The following AJAP1 variants were observed in gnomAD, a reference collection of about 807,000 sequenced individuals.
The protein encoded by AJAP1 is adherens junctions associated protein 1.
Under a neutral mutation model 35.0 loss-of-function variants are expected in AJAP1, and 5 were observed. The observed-to-expected ratio is 0.14, with a 90% CI of 0.07 to 0.30. The LOEUF (loss-of-function observed/expected upper bound fraction) is 0.30, where lower values mean the gene tolerates loss of function less well. Among genes scored for constraint, AJAP1 ranks in the 10% least tolerant of loss-of-function variants. The pLI is 1.00. For synonymous variants in AJAP1, 284 were observed against 249.3 expected, an observed-to-expected ratio of 1.14 and a Z score of -1.31; for missense variants, 586 against 571.0, an observed-to-expected ratio of 1.03 and a Z score of -0.27.
chr1:4,758,294 G>A (rs188173358), intron 2 of AJAP1, among the ~76,000 whole-genome samples: 12 of 152,302 alleles, frequency 7.9e-5, no homozygotes, highest in African/African-American at 2.9e-4. Context: ...GCATGAGAAA[G>A]AAGCATCAGG....
intron 2 of AJAP1, among the ~76,000 whole-genome samples, chr1:4,727,484 T>C (rs1431764717): frequency 2.0e-5 from 3 of 152,246 alleles, no homozygotes; most frequent in Non-Finnish European, 4.4e-5. Context: ...CGTCTGTGTC[T>C]GTAGCACTTG....
chr1:4,680,005 A>C (rs1639449357), intron 1 of AJAP1, among the ~76,000 whole-genome samples: 1 of 152,236 alleles, frequency 6.6e-6, no homozygotes, highest in African/African-American at 2.4e-5. Flanking sequence ...CTAATGTTAT[A>C]GTTCCAGTTC....
At chr1:4,759,227 T>C (rs1641510649) in intron 2 of AJAP1, among the ~76,000 whole-genome samples, 1 of 152,182 alleles carries the variant, frequency 6.6e-6, no homozygotes, top group East Asian at 1.9e-4. Context: ...GGCCGCTGGA[T>C]GGCACATCAG....
chr1:4,759,838 G>A (rs1039355191), intron 2 of AJAP1, among the ~76,000 whole-genome samples: 2 of 152,084 alleles, frequency 1.3e-5, no homozygotes, highest in Admixed American at 6.5e-5. Flanking sequence ...GTTGTCAGAA[G>A]GGACTCTGCT....
chr1:4,743,044 C>T (rs1412642401), intron 2 of AJAP1, among the ~76,000 whole-genome samples: 2 of 152,194 alleles, frequency 1.3e-5, no homozygotes, highest in Admixed American at 6.5e-5. Context: ...AGAACCTGTA[C>T]GGATTCCACG....
intron 1 of AJAP1, among the ~76,000 whole-genome samples, chr1:4,703,447 G>A (rs1423512155): frequency 1.3e-5 from 2 of 152,268 alleles, no homozygotes; most frequent in African/African-American, 4.8e-5. Context: ...AGGTTCTTCT[G>A]TGAAGGGGAA....
chr1:4,776,488 G>A (rs967518622), intron 5 of AJAP1, among the ~76,000 whole-genome samples: 3 of 152,196 alleles, frequency 2.0e-5, no homozygotes, highest in African/African-American at 7.2e-5. Flanking sequence ...TACTCCACAG[G>A]CCTGAGCCCA....
intron 1 of AJAP1, among the ~76,000 whole-genome samples, chr1:4,699,558 G>T (rs573661875): frequency 6.6e-6 from 1 of 152,260 alleles, no homozygotes; most frequent in Non-Finnish European, 1.5e-5. Context: ...ATGAGCTATA[G>T]CGCTGTCACC....
At chr1:4,710,024 A>T (rs1272329632) in intron 1 of AJAP1, among the ~76,000 whole-genome samples, 2 of 152,090 alleles carry the variant, frequency 1.3e-5, no homozygotes, top group Non-Finnish European at 2.9e-5. Context: ...ACACAGCTAC[A>T]ACTAAACTCT....
At position 4,787,427 on chromosome 1, in the gene AJAP1, G is replaced by T. The variant is rs1557655650; in HGVS notation, c.*4942G>T. 5 of 296,600 alleles carry T rather than the reference G, an allele frequency of 1.7e-5. No homozygotes were observed. The highest frequency in any genetic ancestry group is 1.3e-4 in the South Asian group (5 of 37,676). 18.4% of individuals were successfully genotyped at this position (296,600 alleles called of 1,614,324 possible). A position where few individuals can be genotyped will look rare whatever the true frequency, so the allele number is the denominator to read the frequency against. ...TCCTCCTGCGACCCATCACCTACTG[G>T]AAAATTACCACTTGCTGCTTGAGGG... On this transcript the variant is annotated 3_prime_UTR_variant, in exon 6 of 6. Transcript: ENST00000378191.
Position 4,740,785 on chromosome 1 carries a change from C to CAAAAAA in AJAP1, c.829+28101_829+28106dup, listed in dbSNP as rs34897087. On this transcript the variant is annotated intron_variant, in intron 2 of 5. Coordinates refer to ENST00000378191, the MANE Select transcript of AJAP1 (RefSeq NM_018836.4). Reference sequence around the variant, plus strand: ...TGGGCAACAGAGCAAGACTCCGTCTCAAAAAAAAAAAAAAAAAAAAGCGGG... The same window carrying CAAAAAA: ...TGGGCAACAGAGCAAGACTCCGTCTCAAAAAAAAAAAAAAAAAAAAAAAAAAGCGGG... Among the ~76,000 whole-genome samples the CAAAAAA allele has an allele frequency of 3.5e-3, 232 of 66,972 alleles. 1 individual carries two copies. Among genetic ancestry groups the CAAAAAA allele is most frequent in the African/African-American group, 0.012 (225 of 18,478 alleles). 43.9% of individuals were successfully genotyped at this position (66,972 alleles called of 152,430 possible). A position where few individuals can be genotyped will look rare whatever the true frequency, so the allele number is the denominator to read the frequency against.
chr1:4,772,227 TG>T, intron 3 of AJAP1, 52 bp from the exon 4 acceptor site: 1 of 1,605,290 alleles, frequency 6.2e-7, no homozygotes, highest in East Asian at 2.2e-5. Context: ...GAGTTGTGTT[TG>T]TGGGTTTCCG....
chr1:4,766,692 G>A (rs72639923), intron 2 of AJAP1, among the ~76,000 whole-genome samples: 1,699 of 152,292 alleles, frequency 0.011, 18 homozygotes, highest in Non-Finnish European at 0.015. Flanking sequence ...GTCTGTGCAG[G>A]GTTTGGTAAA....
Position 4,750,932 on chromosome 1 carries a change from TG to T in AJAP1, c.830-18918del, listed in dbSNP as rs1340405187. ...AGACCTCCAATCCCCTGACCTGGGC[TG>T]GGAGGGCCAGTGGAAAGGTCAGCTT... On this transcript the variant is annotated intron_variant, in intron 2 of 5. Coordinates refer to ENST00000378191, the MANE Select transcript of AJAP1 (RefSeq NM_018836.4). Among the ~76,000 whole-genome samples, 7 of 150,220 alleles carry T rather than the reference TG, an allele frequency of 4.7e-5. No individual in the cohort carries two copies. In the South Asian group the frequency reaches 1.5e-3, roughly 33 times the overall value.
chr1:4,712,007 C>T lies in AJAP1; in HGVS notation c.137C>T (p.Pro46Leu), dbSNP rs1363436162. The change falls in exon 2 of 6, where the codon CCG (proline) becomes CTG (leucine). Residue 46 changes from proline to leucine, a missense_variant. Transcript: ENST00000378191. ...VDLPACEALG[P>L]GPEFWLLPRS... ...CTGCCCGCCTGTGAGGCCCTGGGCC[C>T]GGGGCCGGAGTTCTGGCTCCTGCCG... The T allele has an allele frequency of 1.9e-6, 3 of 1,595,264 alleles. No homozygotes were observed. The highest frequency in any genetic ancestry group is 2.3e-5 in the East Asian group (1 of 42,656).
Position 4,784,054 on chromosome 1 carries a change from T to C in AJAP1, c.*1569T>C, listed in dbSNP as rs1032692992. 1.2e-4 allele frequency: 19 copies of C among 152,150 alleles called. No individual in the cohort carries two copies. Among genetic ancestry groups the C allele is most frequent in the Non-Finnish European group, 2.4e-4 (16 of 68,034 alleles). 9.4% of individuals were successfully genotyped at this position (152,150 alleles called of 1,614,324 possible). On this transcript the variant is annotated 3_prime_UTR_variant, in exon 6 of 6. Coordinates refer to ENST00000378191, the MANE Select transcript of AJAP1 (RefSeq NM_018836.4). ...TCTCCCGTCAGCTTCCATTGGCCGA[T>C]GGATGTTTCTGTTTTGTCACCGAGA...
rs777873245 is a variant in AJAP1 at position 4,712,618 on chromosome 1, G to T, written c.748G>T (p.Val250Phe). The change falls in exon 2 of 6, where the codon GTT becomes TTT. Residue 250 changes from valine to phenylalanine, a missense_variant. Coordinates refer to ENST00000378191, the MANE Select transcript of AJAP1 (RefSeq NM_018836.4). The stretch of plus-strand genomic sequence containing the variant: ...TCCCCGGAGAAGGATCCCAGGTGGG[G>T]TTAGCACAACGGAGCCTTCCACCAG... ...LDPRRRIPGG[V>F]STTEPSTSPS... 1.1e-5 allele frequency: 18 copies of T among 1,592,926 alleles called. No individual in the cohort carries two copies. In the South Asian group the frequency reaches 1.5e-4, roughly 13 times the overall value.
At chr1:4,749,066 C>G (rs929194741) in intron 2 of AJAP1, among the ~76,000 whole-genome samples, 1 of 152,156 alleles carries the variant, frequency 6.6e-6, no homozygotes, top group African/African-American at 2.4e-5. Flanking sequence ...GCAACACTGT[C>G]CCCAGCATGC....
rs909243317 is a variant in AJAP1 at position 4,790,917 on chromosome 1, T to TTTTTG, written c.*8437_*8441dup. Reference sequence around the variant, plus strand: ...TGGTCTTCTCAGAAGTGTTTCTGTTTTTTTGTTTTTGTTTTTGTTTTTGTT... The same window carrying TTTTTG: ...TGGTCTTCTCAGAAGTGTTTCTGTTTTTTTGTTTTGTTTTTGTTTTTGTTTTTGTT... On this transcript the variant is annotated 3_prime_UTR_variant, in exon 6 of 6. Transcript: ENST00000378191. The TTTTTG allele has an allele frequency of 1.9e-5, 1 of 52,164 alleles. No homozygotes were observed. Among genetic ancestry groups the TTTTTG allele is most frequent in the Non-Finnish European group, 4.0e-5 (1 of 24,822 alleles). 3.2% of individuals were successfully genotyped at this position (52,164 alleles called of 1,614,324 possible). A position where few individuals can be genotyped will look rare whatever the true frequency, so the allele number is the denominator to read the frequency against.
Sources: gnomAD v4.1 joint callset for allele counts (sites outside exome capture counted in the v4.1 genomes callset) on GRCh38, gnomAD v4.1.1 for gene constraint, MANE v1.5 for transcripts, NCBI Gene and HGNC (gene_info 2026-07-23, HGNC 2026-07-21) for gene names.